APP: variants seen among roughly 807,000 people sequenced by gnomAD.
APP encodes amyloid-beta precursor protein.
APP carries 31 observed loss-of-function variants against 101.4 expected under a neutral mutation model. The ratio of observed to expected loss-of-function variants is 0.31; its 90% confidence interval spans 0.23 to 0.41. The LOEUF is 0.41. Ranked by LOEUF, APP falls within the 10% of genes least tolerant of loss-of-function variation. The probability of loss-of-function intolerance (pLI) is 1.00; values close to 1 mark genes in which losing one functional copy is unlikely to be tolerated. For synonymous variants in APP, 366 were observed against 364.4 expected (o/e 1.00, Z -0.05); for missense variants, 839 against 1,003.7 (o/e 0.84, Z 2.22).
In APP at chr21:25,892,046, TAA is replaced by T. The variant is rs10547971; in HGVS notation, c.2065-180_2065-179del. 0.22 allele frequency among the ~76,000 whole-genome samples: 30,748 copies of T among 138,824 alleles called. 3,511 individuals carry two copies. The highest frequency in any genetic ancestry group is 0.36 in the South Asian group (1,554 of 4,350). 91.1% of individuals were successfully genotyped at this position (138,824 alleles called of 152,430 possible). On this transcript the variant is annotated intron_variant, in intron 16 of 17. Transcript: ENST00000346798. ...TTGGTCAAATATTTGATGCTTACTT[TAA>T]AAAAAAAAAAAAAAAAAGAAATCAC...
At chr21:26,159,108 A>G (rs2063432935) in intron 1 of APP, among the ~76,000 whole-genome samples, 1 of 151,528 alleles carries the variant, frequency 6.6e-6, no homozygotes, top group Non-Finnish European at 1.5e-5. Flanking sequence ...TTTGAGACGG[A>G]GTCTCGCTCT....
At chr21:26,140,290 A>T in intron 1 of APP, 1 of 1,535,028 alleles carries the variant, frequency 6.5e-7, no homozygotes, top group Non-Finnish European at 8.7e-7. Flanking sequence ...TGCAGTGACC[A>T]CAACTTGACC....
At chr21:25,996,659 G>T (rs375063498) in intron 8 of APP, among the ~76,000 whole-genome samples, 2 of 152,096 alleles carry the variant, frequency 1.3e-5, no homozygotes, top group African/African-American at 4.8e-5. Context: ...TGCTTGCTTA[G>T]AAGTTCCACT....
At chr21:25,901,003 A>AAAAAAAAAC (rs1260628465) in intron 15 of APP, among the ~76,000 whole-genome samples, 1 of 146,094 alleles carries the variant, frequency 6.8e-6, no homozygotes, top group African/African-American at 2.6e-5. Context: ...AAAAAAAAAA[A>AAAAAAAAAC]AGAATGAGCT....
intron 11 of APP, among the ~76,000 whole-genome samples, chr21:25,962,198 C>T (rs556888552): frequency 2.2e-4 from 34 of 152,196 alleles, no homozygotes; most frequent in African/African-American, 7.9e-4. Context: ...TTGTACTAAA[C>T]TCACCTCACA....
chr21:25,997,933 G>A (rs558518104), intron 7 of APP, among the ~76,000 whole-genome samples: 7 of 152,160 alleles, frequency 4.6e-5, no homozygotes, highest in African/African-American at 1.7e-4. Flanking sequence ...TGGGAGCATC[G>A]ACCTTTTGCA....
intron 3 of APP, among the ~76,000 whole-genome samples, chr21:26,063,465 G>A (rs984447289): frequency 2.0e-5 from 3 of 151,870 alleles, no homozygotes; most frequent in Non-Finnish European, 4.4e-5. Flanking sequence ...CTCCTTGGAG[G>A]AACAGCTGAT....
At chr21:26,170,098 A>ACTC (rs958497223) in intron 1 of APP, among the ~76,000 whole-genome samples, 9 of 147,260 alleles carry the variant, frequency 6.1e-5, no homozygotes, top group South Asian at 2.1e-4. Flanking sequence ...GGCTGTCCCG[A>ACTC]CTCCTCCTCC....
intron 2 of APP, among the ~76,000 whole-genome samples, chr21:26,111,052 T>C (rs1300268989): frequency 2.3e-5 from 2 of 87,606 alleles, no homozygotes; most frequent in Non-Finnish European, 4.5e-5. Context: ...CTCCACGAAA[T>C]GACAAAGGAT....
chr21:26,087,150 T>C (rs939862542), intron 3 of APP, among the ~76,000 whole-genome samples: 1 of 152,248 alleles, frequency 6.6e-6, no homozygotes, highest in African/African-American at 2.4e-5. Flanking sequence ...TTATCAACTC[T>C]GTATTATACT....
At chr21:25,937,131 A>G (rs1045656890) in intron 13 of APP, among the ~76,000 whole-genome samples, 1 of 152,146 alleles carries the variant, frequency 6.6e-6, no homozygotes, top group African/African-American at 2.4e-5. Context: ...GCTTCATTAC[A>G]GGCAGTGGGA....
intron 13 of APP, among the ~76,000 whole-genome samples, chr21:25,923,714 T>G (rs993402293): frequency 8.5e-6 from 1 of 118,116 alleles, no homozygotes; most frequent in African/African-American, 3.5e-5. Flanking sequence ...TGGCGATCAT[T>G]AAAAAGTCAG....
intron 6 of APP, 58 bp downstream of exon 6, chr21:26,021,782 T>C: frequency 6.3e-7 from 1 of 1,597,482 alleles, no homozygotes; most frequent in Non-Finnish European, 8.5e-7. Context: ...TTTCCAACTC[T>C]GGTATTACGC....
At chr21:25,924,595 T>C (rs557754287) in intron 13 of APP, among the ~76,000 whole-genome samples, 15 of 151,482 alleles carry the variant, frequency 9.9e-5, no homozygotes, top group Non-Finnish European at 2.2e-4. Context: ...GGGGACATCA[T>C]ACACCAGGGC....
intron 5 of APP, among the ~76,000 whole-genome samples, chr21:26,042,561 G>T (rs570351082): frequency 1.2e-4 from 18 of 152,302 alleles, no homozygotes; most frequent in Non-Finnish European, 2.2e-4. Context: ...TACAAATTGA[G>T]CCTGTGCAAG....
At chr21:26,030,304 C>T (rs1447109849) in intron 5 of APP, among the ~76,000 whole-genome samples, 1 of 152,124 alleles carries the variant, frequency 6.6e-6, no homozygotes, top group Admixed American at 6.6e-5. Flanking sequence ...AAATGCATAA[C>T]CTGTGAAGGA....
At chr21:25,891,576 G>A in intron 17 of APP, 146 bp downstream of exon 17, 3 of 833,020 alleles carry the variant, frequency 3.6e-6, no homozygotes, top group South Asian at 2.8e-5. Context: ...ACCAAAACAA[G>A]AAAGAACAAC....
chr21:25,971,369 T>TAGACATC (rs1278588398), intron 11 of APP, among the ~76,000 whole-genome samples: 1 of 152,304 alleles, frequency 6.6e-6, no homozygotes, highest in East Asian at 1.9e-4. Context: ...TGCAAGACAT[T>TAGACATC]AGACATCAGG....
chr21:26,099,896 A>G (rs2062021077), intron 2 of APP, among the ~76,000 whole-genome samples: 1 of 152,262 alleles, frequency 6.6e-6, no homozygotes, highest in Non-Finnish European at 1.5e-5. Context: ...GCAGGGCGTT[A>G]GAATATTTCC....
Sources: allele counts gnomAD v4.1 joint callset (sites outside exome capture counted in the v4.1 genomes callset), GRCh38; gene constraint gnomAD v4.1.1; transcripts MANE v1.5; gene names NCBI Gene and HGNC (gene_info 2026-07-23, HGNC 2026-07-21).